Variants in MAP4K1 observed in about 807,000 individuals in gnomAD.
MAP4K1 encodes the protein mitogen-activated protein kinase kinase kinase kinase 1, also known as MAPK/ERK kinase kinase kinase 1.
In MAP4K1, 35 loss-of-function variants were observed where a neutral mutation model predicts 122.8. That is an observed-to-expected ratio of 0.29 (90% CI 0.22 to 0.38). The LOEUF is 0.38. Ranked by LOEUF, MAP4K1 falls within the 10% of genes least tolerant of loss-of-function variation. The pLI is 1.00. For synonymous variants in MAP4K1, 412 were observed against 421.3 expected, an observed-to-expected ratio of 0.98 and a Z score of 0.27; for missense variants, 791 against 1,072.6, an observed-to-expected ratio of 0.74 and a Z score of 3.67.
At chr19:38,602,438 A>G (rs990150448) in intron 19 of MAP4K1, among the ~76,000 whole-genome samples, 1 of 147,076 alleles carries the variant, frequency 6.8e-6, no homozygotes. Context: ...ACACATATAT[A>G]TACACACACA....
intron 9 of MAP4K1, 84 bp downstream of exon 9, chr19:38,612,527 T>A: frequency 7.1e-7 from 1 of 1,399,082 alleles, no homozygotes; most frequent in Non-Finnish European, 9.6e-7. Context: ...TGGAGGTTCC[T>A]GGGATGGAAG....
intron 30 of MAP4K1, among the ~76,000 whole-genome samples, chr19:38,588,387 G>T (rs1974592170): frequency 6.6e-6 from 1 of 152,074 alleles, no homozygotes; most frequent in Non-Finnish European, 1.5e-5. Context: ...GACCATTTGT[G>T]CCTCAAAATA....
At chr19:38,609,820 G>A in intron 12 of MAP4K1, 89 bp downstream of exon 12, 3 of 1,348,402 alleles carry the variant, frequency 2.2e-6, no homozygotes, top group Non-Finnish European at 3.2e-6. Context: ...TTCCCCCTAA[G>A]AGAGGCAGCA....
At chr19:38,604,010 G>A (rs1326070695) in intron 19 of MAP4K1, among the ~76,000 whole-genome samples, 1 of 148,410 alleles carries the variant, frequency 6.7e-6, no homozygotes, top group Non-Finnish European at 1.5e-5. Context: ...AATTAGCCAA[G>A]CGCTACTAGG....
intron 12 of MAP4K1, 91 bp from the exon 13 acceptor site, chr19:38,609,765 T>A: frequency 7.4e-7 from 1 of 1,356,968 alleles, no homozygotes; most frequent in South Asian, 1.3e-5. Context: ...TGTAACCCTC[T>A]GGGCACACAG....
rs757458750 is a variant in MAP4K1 at position 38,597,505 on chromosome 19, G to A, written c.1759C>T (p.Pro587Ser). Residue 587 changes from proline to serine, a missense_variant, in exon 23 of 31, where the codon CCC (proline) becomes TCC (serine). Transcript: ENST00000396857. The surrounding 1 kb of genome is among the most constrained non-coding windows in gnomAD (Gnocchi z 4.6). ...TGGTACCTTGCCAGTAGGCGGTGGG[G>A]GCTAATGTGAGCGATGGGGTTTCCT... ...RAGNPIAHISPHRLLARKNMV... is the reference protein window; with the variant it reads ...RAGNPIAHISSHRLLARKNMV... 1 of 1,614,032 alleles carries A rather than the reference G, an allele frequency of 6.2e-7. No homozygotes were observed. Among genetic ancestry groups the A allele is most frequent in the Non-Finnish European group, 8.5e-7 (1 of 1,179,996 alleles).
In MAP4K1 at chr19:38,597,324, A is replaced by G; in HGVS notation, c.1837+2T>C. 6.2e-7 allele frequency: 1 copy of G among 1,612,958 alleles called. No individual in the cohort carries two copies. The highest frequency in any genetic ancestry group is 8.5e-7 in the Non-Finnish European group (1 of 1,179,734). On this transcript the variant is annotated splice_donor_variant, in intron 24 of 30. Coordinates refer to ENST00000396857, the MANE Select transcript of MAP4K1 (RefSeq NM_001042600.3). LOFTEE classifies it high-confidence loss of function. This position sits in a 1 kb window ranked among gnomAD's most constrained non-coding sequence, Gnocchi z 4.6. The stretch of plus-strand genomic sequence containing the variant: ...CTGCACACCCGTGAAGCTCTCTCTC[A>G]CCCACACAGCACGCCCGGCAGCCTT...
intron 30 of MAP4K1, among the ~76,000 whole-genome samples, chr19:38,591,723 C>G (rs1974732665): frequency 6.6e-6 from 1 of 151,356 alleles, no homozygotes; most frequent in African/African-American, 2.4e-5. Flanking sequence ...GTAGTCCCAG[C>G]ACTTTGGGAG....
At chr19:38,592,299 G>T (rs1974750239) in intron 30 of MAP4K1, among the ~76,000 whole-genome samples, 1 of 152,062 alleles carries the variant, frequency 6.6e-6, no homozygotes, top group Non-Finnish European at 1.5e-5. Flanking sequence ...TTAAGGCCAG[G>T]TGCAGTGGCT....
rs1157188443 is a variant in MAP4K1 at position 38,614,404 on chromosome 19, G to A, written c.355C>T (p.Arg119Trp). Residue 119 changes from arginine to tryptophan, a missense_variant, in exon 5 of 31, where the codon CGG (arginine) becomes TGG (tryptophan). Around this residue, in one of 4 missense-constraint regions of MAP4K1, gnomAD observed 163 missense variants for 286.1 expected, o/e 0.57. Transcript: ENST00000396857. ...CCTCTCCTTACCTGGAGCACTTCCC[G>A]GCAGACATAGCTAATCTGGAGCTCT... ...LSELQISYVCREVLQGLAYLH... is the reference protein window; with the variant it reads ...LSELQISYVCWEVLQGLAYLH... 3 of 1,614,048 alleles carry A rather than the reference G, an allele frequency of 1.9e-6. No homozygotes were observed. Among genetic ancestry groups the A allele is most frequent in the Non-Finnish European group, 8.5e-7 (1 of 1,179,976 alleles).
At chr19:38,600,206 A>T in intron 20 of MAP4K1, 53 bp from the exon 21 acceptor site, 1 of 1,493,146 alleles carries the variant, frequency 6.7e-7, no homozygotes, top group Non-Finnish European at 9.3e-7. Context: ...GGGACCTCCC[A>T]GATCCCCACC....
At chr19:38,589,805 G>C (rs1225272549) in intron 30 of MAP4K1, among the ~76,000 whole-genome samples, 1 of 152,160 alleles carries the variant, frequency 6.6e-6, no homozygotes, top group Non-Finnish European at 1.5e-5. Flanking sequence ...CTACACAGGT[G>C]AATCTCTTGA....
intron 22 of MAP4K1, among the ~76,000 whole-genome samples, chr19:38,599,347 CAA>C (rs35011527): frequency 1.3e-4 from 5 of 39,452 alleles, no homozygotes; most frequent in Admixed American, 2.7e-4. Flanking sequence ...GACTCGGTCT[CAA>C]AAAAAAAAAA....
chr19:38,598,949 G>A (rs1022231198), intron 22 of MAP4K1, among the ~76,000 whole-genome samples: 1 of 147,314 alleles, frequency 6.8e-6, no homozygotes, highest in Non-Finnish European at 1.5e-5. Context: ...GGAAACGGAG[G>A]TTGCAGTGAG....
At position 38,612,655 on chromosome 19, in the gene MAP4K1, T is replaced by G; in HGVS notation, c.621A>C (p.Glu207Asp). Residue 207 changes from glutamate to aspartate, a missense_variant, in exon 9 of 31, where the codon GAA becomes GAC. Physicochemically the swap from Glu to Asp is conservative, Grantham distance 45. Coordinates refer to ENST00000396857, the MANE Select transcript of MAP4K1 (RefSeq NM_001042600.3). ...AGAGCGGTGGCTGTAGCTCGGCCAG[T>G]TCGATGGCCGTGATGCCCAGGGACC... ...DIWSLGITAIELAELQPPLFD... is the reference protein window; with the variant it reads ...DIWSLGITAIDLAELQPPLFD... 6.2e-7 allele frequency: 1 copy of G among 1,613,566 alleles called. No homozygotes were observed. The highest frequency in any genetic ancestry group is 1.1e-5 in the South Asian group (1 of 91,042).
At chr19:38,589,985 G>A (rs908548606) in intron 30 of MAP4K1, among the ~76,000 whole-genome samples, 2 of 151,770 alleles carry the variant, frequency 1.3e-5, no homozygotes, top group African/African-American at 4.8e-5. Flanking sequence ...AGCCATGATC[G>A]CGTCACTGCA....
rs2287736 is a variant in MAP4K1 at position 38,595,743 on chromosome 19, G to C, written c.2180-14C>G. On this transcript the variant is annotated splice_polypyrimidine_tract_variant and intron_variant, in intron 27 of 30. Coordinates refer to ENST00000396857, the MANE Select transcript of MAP4K1 (RefSeq NM_001042600.3). The stretch of plus-strand genomic sequence containing the variant: ...GCTTCACAGAGCCTGGAAGGAGATA[G>C]ACGGTTTTAAGAACTGTGAGCAAGG... The C allele has an allele frequency of 5.9e-3, 9,433 of 1,586,106 alleles. 201 individuals are homozygous for C. The East Asian group carries it at 0.064, about 11-fold the overall frequency.
At chr19:38,589,277 TG>T in intron 30 of MAP4K1, 1 of 259,454 alleles carries the variant, frequency 3.9e-6, no homozygotes, top group Non-Finnish European at 7.9e-6. Context: ...CACTCCAGCC[TG>T]GGGGACAGAG....
intron 30 of MAP4K1, among the ~76,000 whole-genome samples, chr19:38,590,438 A>ATATAG (rs1421697310): frequency 2.2e-5 from 2 of 90,708 alleles, no homozygotes; most frequent in Non-Finnish European, 4.6e-5. Flanking sequence ...TATATATATA[A>ATATAG]TCACGGGCGT....
Sources: gnomAD v4.1 joint callset for allele counts (sites outside exome capture counted in the v4.1 genomes callset) on GRCh38, gnomAD v4.1.1 for gene constraint, gnomAD v4.1.1 regional missense constraint, Gnocchi (gnomAD v3.1) non-coding constraint, MANE v1.5 for transcripts, NCBI Gene and HGNC (gene_info 2026-07-23, HGNC 2026-07-21) for gene names.